The following EML4 variants were observed in gnomAD, a reference collection of about 807,000 sequenced individuals.
EML4 encodes the protein EMAP like 4.
A neutral mutation model predicts 129.0 loss-of-function variants in EML4; 72 were observed. That is an observed-to-expected ratio of 0.56 (90% CI 0.46 to 0.68). EML4 has a LOEUF of 0.68. EML4 is among the 30% of genes least tolerant of loss of function. The pLI is 0.00. For synonymous variants in EML4, 532 were observed against 405.0 expected (o/e 1.31, Z -3.77); for missense variants, 1,363 against 1,190.6 (o/e 1.14, Z -2.13).
chr2:42,202,250 G>A (rs1189273838), intron 1 of EML4, among the ~76,000 whole-genome samples: 2 of 152,102 alleles, frequency 1.3e-5, no homozygotes, highest in Admixed American at 6.6e-5. Flanking sequence ...TTAGTAATAA[G>A]GTATTGTAGG....
chr2:42,238,686 T>C (rs780327077), intron 1 of EML4, among the ~76,000 whole-genome samples: 2 of 152,128 alleles, frequency 1.3e-5, no homozygotes, highest in African/African-American at 2.4e-5. Flanking sequence ...GGTGCAGTTA[T>C]AGCTCACTGC....
chr2:42,324,122 C>A (rs368024921), intron 19 of EML4, among the ~76,000 whole-genome samples: 1 of 150,734 alleles, frequency 6.6e-6, no homozygotes, highest in Non-Finnish European at 1.5e-5. Context: ...CAGGGAAACC[C>A]CGTCTGTACT....
At position 42,261,234 on chromosome 2, in the gene EML4, C is replaced by T; in HGVS notation, c.452C>T (p.Ser151Leu). Reference protein sequence around the residue: ...IRASPSPQPSSQPLQIHRQTP... With the variant: ...IRASPSPQPSLQPLQIHRQTP... ...GCATCACCTTCTCCCCAGCCCTCTT[C>T]ACAACCTCTCCAAATACACAGACAA... Residue 151 changes from serine (S) to leucine (L), a missense_variant, in exon 4 of 23, where the codon TCA becomes TTA. Physicochemically the swap from Ser to Leu is moderately radical, Grantham distance 145. Coordinates refer to ENST00000318522, the MANE Select transcript of EML4 (RefSeq NM_019063.5). 6 of 1,614,076 alleles carry T rather than the reference C, an allele frequency of 3.7e-6. No individual in the cohort carries two copies. The highest frequency in any genetic ancestry group is 5.1e-6 in the Non-Finnish European group (6 of 1,179,964).
chr2:42,264,983 T>G lies in EML4; in HGVS notation c.667+252T>G, dbSNP rs908195863. On this transcript the variant is annotated intron_variant, in intron 6 of 22. Coordinates refer to ENST00000318522, the MANE Select transcript of EML4 (RefSeq NM_019063.5). The stretch of plus-strand genomic sequence containing the variant: ...ATAAGCTACGCAGTTGGTTGCCTTC[T>G]AAGTGAATTTTTTCCTGGATCTCTT... The G allele has an allele frequency of 4.5e-6, 7 of 1,538,676 alleles. No homozygotes were observed. The East Asian group carries it at 1.7e-4, about 38-fold the overall frequency.
chr2:42,198,803 G>A (rs954959330), intron 1 of EML4, among the ~76,000 whole-genome samples: 2 of 152,190 alleles, frequency 1.3e-5, no homozygotes, highest in African/African-American at 4.8e-5. Context: ...ATGGGTTTTT[G>A]TGGTGGTTTC....
chr2:42,221,091 A>G (rs940462296), intron 1 of EML4, among the ~76,000 whole-genome samples: 1 of 152,166 alleles, frequency 6.6e-6, no homozygotes, highest in Non-Finnish European at 1.5e-5. Flanking sequence ...TATCTAGAAG[A>G]TTTAGCTAAG....
chr2:42,215,969 A>G (rs1673160655), intron 1 of EML4, among the ~76,000 whole-genome samples: 1 of 150,972 alleles, frequency 6.6e-6, no homozygotes, highest in Non-Finnish European at 1.5e-5. Context: ...CACCCAGGGT[A>G]GAGTGCAGAG....
chr2:42,300,415 T>C (rs1668217459), intron 13 of EML4, among the ~76,000 whole-genome samples: 1 of 152,246 alleles, frequency 6.6e-6, no homozygotes, highest in Non-Finnish European at 1.5e-5. Context: ...AAACCACATG[T>C]GTTTGCCTAA....
rs977370428 is a variant in EML4, at chr2:42,331,997, A to AGTAT, written c.*1797_*1800dup. ...GATTCCAAGCAACCCATCTTTCTTC[A>AGTAT]GTATGTATGTTCTGTACATACTTAT... On this transcript the variant is annotated 3_prime_UTR_variant, in exon 23 of 23. Transcript: ENST00000318522. 2 of 219,962 alleles carry AGTAT rather than the reference A, an allele frequency of 9.1e-6. No homozygotes were observed. Among genetic ancestry groups the AGTAT allele is most frequent in the African/African-American group, 4.5e-5 (2 of 44,568 alleles). 13.6% of individuals were successfully genotyped at this position (219,962 alleles called of 1,614,324 possible). A position where few individuals can be genotyped will look rare whatever the true frequency, so the allele number is the denominator to read the frequency against.
chr2:42,254,924 C>T lies in EML4; in HGVS notation c.209-1577C>T, dbSNP rs369654210. ...CAGATGAATGGAAAAACAAAATATACAGTGGAATATTTTTCTGTTATAAAG... is the reference window on the plus strand; with the variant it reads ...CAGATGAATGGAAAAACAAAATATATAGTGGAATATTTTTCTGTTATAAAG... On this transcript the variant is annotated intron_variant, in intron 2 of 22. Transcript: ENST00000318522. Among the ~76,000 whole-genome samples, 3 of 152,196 alleles carry T rather than the reference C, an allele frequency of 2.0e-5. No homozygotes were observed. In the East Asian group the frequency reaches 5.8e-4, roughly 29 times the overall value.
chr2:42,302,871 T>C (rs1668371863), intron 14 of EML4, among the ~76,000 whole-genome samples: 2 of 152,140 alleles, frequency 1.3e-5, no homozygotes, highest in Non-Finnish European at 2.9e-5. Context: ...CCTAAAGTCA[T>C]ATAAAATATA....
intron 6 of EML4, among the ~76,000 whole-genome samples, chr2:42,280,348 T>C (rs1666936740): frequency 6.6e-6 from 1 of 152,254 alleles, no homozygotes; most frequent in Admixed American, 6.5e-5. Context: ...TACAATGTTT[T>C]AGACTAGGAC....
chr2:42,244,978 AT>A (rs1675289810), intron 1 of EML4, among the ~76,000 whole-genome samples: 1 of 151,578 alleles, frequency 6.6e-6, no homozygotes, highest in African/African-American at 2.4e-5. Flanking sequence ...CATTTTAATG[AT>A]TTGTGAAGTT....
intron 1 of EML4, among the ~76,000 whole-genome samples, chr2:42,184,099 G>A (rs1403657597): frequency 2.6e-5 from 4 of 152,148 alleles, no homozygotes; most frequent in Admixed American, 2.0e-4. Context: ...TTTTGAATGA[G>A]TCTGTGTCAC....
At chr2:42,219,617 G>C (rs1378577945) in intron 1 of EML4, among the ~76,000 whole-genome samples, 2 of 152,094 alleles carry the variant, frequency 1.3e-5, no homozygotes. Context: ...GCAGGACAAT[G>C]CATTGAAAAC....
At chr2:42,217,394 T>TA (rs901965713) in intron 1 of EML4, among the ~76,000 whole-genome samples, 7 of 152,032 alleles carry the variant, frequency 4.6e-5, no homozygotes, top group East Asian at 1.9e-4. Context: ...ACCTTTACTG[T>TA]AAAAAAAATT....
chr2:42,214,889 T>C (rs35584828), intron 1 of EML4, among the ~76,000 whole-genome samples: 57,146 of 151,918 alleles, frequency 0.38, 10,985 homozygotes, highest in East Asian at 0.56. Flanking sequence ...GACTTATTCA[T>C]ATCTAGTCTT....
At chr2:42,254,931 A>G (rs1388517073) in intron 2 of EML4, among the ~76,000 whole-genome samples, 3 of 152,238 alleles carry the variant, frequency 2.0e-5, no homozygotes, top group African/African-American at 7.2e-5. Context: ...ATACAGTGGA[A>G]TATTTTTCTG....
At chr2:42,172,907 T>C (rs1051203085) in intron 1 of EML4, among the ~76,000 whole-genome samples, 1 of 152,232 alleles carries the variant, frequency 6.6e-6, no homozygotes, top group African/African-American at 2.4e-5. Context: ...ACTTTTATCT[T>C]GGAATTAACC....
Sources: allele counts gnomAD v4.1 joint callset (sites outside exome capture counted in the v4.1 genomes callset), GRCh38; gene constraint gnomAD v4.1.1; transcripts MANE v1.5; gene names NCBI Gene and HGNC (gene_info 2026-07-23, HGNC 2026-07-21).